Variants in SLF2 observed in about 807,000 individuals in gnomAD.
SLF2 encodes SMC5-SMC6 complex localization factor protein 2.
SLF2 carries 68 observed loss-of-function variants against 124.3 expected under a neutral mutation model. The observed-to-expected ratio is 0.55, with a 90% CI of 0.45 to 0.67. The LOEUF (loss-of-function observed/expected upper bound fraction) is 0.67. SLF2 is among the 30% of genes least tolerant of loss of function. The probability of loss-of-function intolerance (pLI) is 0.00; values close to 1 mark genes in which losing one functional copy is unlikely to be tolerated. For missense variants in SLF2, 1,246 were observed against 1,373.7 expected (o/e 0.91, Z 1.47); for synonymous variants, 480 against 478.8 (o/e 1.00, Z -0.03).
intron 10 of SLF2, among the ~76,000 whole-genome samples, chr10:100,938,087 T>C (rs1849900969): frequency 6.6e-6 from 1 of 152,224 alleles, no homozygotes; most frequent in Admixed American, 6.5e-5. Flanking sequence ...ACTTAGCCAA[T>C]TAAGTTTAAT....
chr10:100,929,279 TTAGAG>T (rs756863554), intron 6 of SLF2, 33 bp from the exon 7 acceptor site: 1 of 1,553,218 alleles, frequency 6.4e-7, no homozygotes, highest in Admixed American at 2.1e-5. Flanking sequence ...AAAAATATTT[TTAGAG>T]TAAACTGTTA....
In SLF2 at chr10:100,913,062, C is replaced by T; in HGVS notation, c.-49C>T. The T allele has an allele frequency of 6.3e-7, 1 of 1,596,714 alleles. No homozygotes were observed. The highest frequency in any genetic ancestry group is 8.5e-7 in the Non-Finnish European group (1 of 1,171,842). On this transcript the variant is annotated 5_prime_UTR_variant, in exon 1 of 20. Transcript: ENST00000238961. ...CCAGCAGCAAGACGGCAACCACGCA[C>T]CCAACTTCTCCAGCCACGGCTCATG...
intron 19 of SLF2, among the ~76,000 whole-genome samples, chr10:100,960,173 A>C (rs1461827433): frequency 6.6e-6 from 1 of 152,222 alleles, no homozygotes; most frequent in Non-Finnish European, 1.5e-5. Flanking sequence ...TTATTTATCT[A>C]CTTATCAGAC....
At chr10:100,958,188 T>A (rs1850367993) in intron 18 of SLF2, among the ~76,000 whole-genome samples, 1 of 152,250 alleles carries the variant, frequency 6.6e-6, no homozygotes, top group Non-Finnish European at 1.5e-5. Context: ...GGATAGTCAT[T>A]GAATGTGAAG....
At chr10:100,935,588 G>A (rs1007330097) in intron 9 of SLF2, among the ~76,000 whole-genome samples, 3 of 151,472 alleles carry the variant, frequency 2.0e-5, no homozygotes, top group African/African-American at 7.3e-5. Flanking sequence ...GATGAGGCAC[G>A]AGAATCGCTT....
chr10:100,925,788 A>G (rs1172840160), intron 5 of SLF2, among the ~76,000 whole-genome samples, 161 bp from the exon 6 acceptor site: 1 of 152,230 alleles, frequency 6.6e-6, no homozygotes, highest in Non-Finnish European at 1.5e-5. Context: ...GCAAAATACT[A>G]GATTTAAAGC....
At chr10:100,940,765 C>CCCCCTT (rs1468610240) in intron 11 of SLF2, among the ~76,000 whole-genome samples, 2 of 118,098 alleles carry the variant, frequency 1.7e-5, no homozygotes, top group Admixed American at 9.3e-5. Context: ...CCCCACTTCT[C>CCCCCTT]CCCCTTCCCC....
At chr10:100,918,477 A>G in intron 4 of SLF2, 36 bp downstream of exon 4, 1 of 1,420,900 alleles carries the variant, frequency 7.0e-7, no homozygotes, top group South Asian at 1.2e-5. Context: ...TTTCTAAATA[A>G]ATTTCCATTT....
intron 15 of SLF2, among the ~76,000 whole-genome samples, chr10:100,949,595 T>C (rs1226360623): frequency 6.6e-6 from 1 of 151,446 alleles, no homozygotes. Flanking sequence ...TAACTTAAAA[T>C]CCCTTTTTTT....
chr10:100,925,431 A>G (rs996373825), intron 5 of SLF2, among the ~76,000 whole-genome samples: 10 of 152,248 alleles, frequency 6.6e-5, no homozygotes, highest in Middle Eastern at 3.4e-3. Context: ...CTGCACCCCA[A>G]TGGATCACCT....
At chr10:100,918,008 G>T (rs10883562) in intron 3 of SLF2, among the ~76,000 whole-genome samples, 65,675 of 152,042 alleles carry the variant, frequency 0.43, 16,297 homozygotes, top group Middle Eastern at 0.6. Context: ...GCTCGCTTGA[G>T]CCCAGGAGAT....
At chr10:100,926,473 A>AATGGT in intron 6 of SLF2, 1 of 487,866 alleles carries the variant, frequency 2.0e-6, no homozygotes. Context: ...TCATGGTGCC[A>AATGGT]CATACCTATG....
At chr10:100,947,168 AT>A in intron 14 of SLF2, 32 bp downstream of exon 14, 1 of 1,283,792 alleles carries the variant, frequency 7.8e-7, no homozygotes, top group Non-Finnish European at 1.1e-6. Context: ...ACATTAAGAA[AT>A]TTTATAATTT....
Position 100,931,097 on chromosome 10 carries a change from G to T in SLF2, c.2436+19G>T. Reference sequence around the variant, plus strand: ...GTTTCGGGTAAGAGGAATGTTTAGAGGGTTATAGTTGCCTCCTACTATATT... The same window carrying T: ...GTTTCGGGTAAGAGGAATGTTTAGATGGTTATAGTTGCCTCCTACTATATT... On this transcript the variant is annotated intron_variant, in intron 9 of 19. Transcript: ENST00000238961. 1 of 1,555,314 alleles carries T rather than the reference G, an allele frequency of 6.4e-7. No homozygotes were observed. Among genetic ancestry groups the T allele is most frequent in the Non-Finnish European group, 8.8e-7 (1 of 1,137,886 alleles).
intron 4 of SLF2, among the ~76,000 whole-genome samples, chr10:100,918,826 G>A (rs758718899): frequency 1.1e-4 from 16 of 151,908 alleles, no homozygotes; most frequent in African/African-American, 1.9e-4. Context: ...GTTTCGCCAC[G>A]TTGCCCAGGC....
rs780868469 is a variant in SLF2 at position 100,947,785 on chromosome 10, G to C, written c.3058G>C (p.Val1020Leu). The change falls in exon 15 of 20, where the codon GTG (valine) becomes CTG (leucine). Residue 1020 changes from valine to leucine, a missense_variant. Val to Leu is a conservative substitution (Grantham distance 32, BLOSUM62 1). This residue lies in a region of SLF2 where 535 missense variants were observed against 632.8 expected (regional missense o/e 0.85). Coordinates refer to ENST00000238961, the MANE Select transcript of SLF2 (RefSeq NM_018121.4). ...GRQLRQCLSL[V>L]IISKLLDEKH... ...GCAACTGAGACAGTGCCTCAGTCTA[G>C]TGATTATTTCAAAGCTTTTGGATGA... 53 of 1,611,348 alleles carry C rather than the reference G, an allele frequency of 3.3e-5. No individual in the cohort carries two copies. Among genetic ancestry groups the C allele is most frequent in the Middle Eastern group, 1.8e-4 (1 of 5,704 alleles).
At chr10:100,947,347 CAA>C (rs1159440803) in intron 14 of SLF2, among the ~76,000 whole-genome samples, 1 of 150,618 alleles carries the variant, frequency 6.6e-6, no homozygotes, top group Non-Finnish European at 1.5e-5. Flanking sequence ...TTTTTTGAGA[CAA>C]GAGTCTCACT....
At chr10:100,930,125 A>G (rs1849702362) in intron 8 of SLF2, 128 bp downstream of exon 8, 1 of 536,718 alleles carries the variant, frequency 1.9e-6, no homozygotes. Flanking sequence ...TCCTCTTATT[A>G]CTATTGATCT....
chr10:100,943,833 G>A (rs1031374513), intron 11 of SLF2, 193 bp from the exon 12 acceptor site: 5 of 456,238 alleles, frequency 1.1e-5, no homozygotes, highest in Non-Finnish European at 1.6e-5. Flanking sequence ...GAATGGAAAT[G>A]TTCTATTTCT....
Sources: allele counts gnomAD v4.1 joint callset (sites outside exome capture counted in the v4.1 genomes callset), GRCh38; gene constraint gnomAD v4.1.1; regional missense constraint gnomAD v4.1.1; transcripts MANE v1.5; gene names NCBI Gene and HGNC (gene_info 2026-07-23, HGNC 2026-07-21).